Variants in WDR70 observed in about 807,000 individuals in gnomAD.
WDR70 encodes the protein WD repeat domain 70.
WDR70 carries 53 observed loss-of-function variants against 88.6 expected under a neutral mutation model. That is an observed-to-expected ratio of 0.60 (90% confidence interval 0.48 to 0.75). The LOEUF is 0.75. Among genes scored for constraint, WDR70 ranks in the 30% least tolerant of loss-of-function variants. The pLI, the probability that WDR70 is intolerant of heterozygous loss-of-function variation, is 0.00. For synonymous variants in WDR70, 280 were observed against 270.0 expected, an observed-to-expected ratio of 1.04 and a Z score of -0.36; for missense variants, 610 against 823.2, an observed-to-expected ratio of 0.74 and a Z score of 3.17.
intron 9 of WDR70, among the ~76,000 whole-genome samples, chr5:37,530,637 G>A (rs1240117789): frequency 6.6e-6 from 1 of 151,634 alleles, no homozygotes; most frequent in African/African-American, 2.4e-5. Context: ...TTTTTGTGGT[G>A]TCAGTAGTAA....
chr5:37,415,796 G>A (rs1481658464), intron 5 of WDR70, among the ~76,000 whole-genome samples: 72 of 103,070 alleles, frequency 7.0e-4, no homozygotes, highest in Admixed American at 2.6e-3. Flanking sequence ...TTCTCAGACG[G>A]GGCGGCCGGG....
At chr5:37,665,712 A>G (rs1247582509) in intron 10 of WDR70, among the ~76,000 whole-genome samples, 1 of 152,252 alleles carries the variant, frequency 6.6e-6, no homozygotes, top group Admixed American at 6.5e-5. Context: ...TTAGATGAGT[A>G]CATTTCAGAT....
At chr5:37,525,514 A>G (rs1741238498) in intron 9 of WDR70, among the ~76,000 whole-genome samples, 1 of 152,244 alleles carries the variant, frequency 6.6e-6, no homozygotes. Flanking sequence ...CTACATGCCC[A>G]CAAGAGAAAG....
chr5:37,611,283 T>C (rs1561922336), intron 10 of WDR70, among the ~76,000 whole-genome samples: 1 of 152,320 alleles, frequency 6.6e-6, no homozygotes, highest in Non-Finnish European at 1.5e-5. Context: ...TAGTGATTTT[T>C]TTTTTAATGG....
intron 14 of WDR70, chr5:37,721,665 G>A (rs2112696237): frequency 6.3e-6 from 1 of 159,942 alleles, no homozygotes; most frequent in African/African-American, 2.4e-5. Context: ...TCCGCAGAAA[G>A]GGACAGCACA....
At chr5:37,690,859 A>C (rs1445598180) in intron 10 of WDR70, among the ~76,000 whole-genome samples, 2 of 152,216 alleles carry the variant, frequency 1.3e-5, no homozygotes, top group African/African-American at 2.4e-5. Flanking sequence ...GACAGGACCA[A>C]ATTCACACAT....
chr5:37,499,175 G>T (rs1581340068), intron 8 of WDR70, among the ~76,000 whole-genome samples: 1 of 151,180 alleles, frequency 6.6e-6, no homozygotes, highest in South Asian at 2.1e-4. Flanking sequence ...GTACAGTGGT[G>T]CAGTCTCGGC....
chr5:37,734,240 T>TAAAA (rs1748236299), intron 17 of WDR70, among the ~76,000 whole-genome samples: 1 of 152,120 alleles, frequency 6.6e-6, no homozygotes, highest in Non-Finnish European at 1.5e-5. Context: ...ATTTGAACTT[T>TAAAA]AAAAGGAATG....
chr5:37,593,566 C>T (rs10038482), intron 9 of WDR70, among the ~76,000 whole-genome samples: 17,128 of 152,130 alleles, frequency 0.11, 3,019 homozygotes, highest in African/African-American at 0.38. Context: ...ACATTTGGGT[C>T]GGTTCCAAGT....
intron 10 of WDR70, among the ~76,000 whole-genome samples, chr5:37,610,189 C>A (rs1744147904): frequency 6.7e-6 from 1 of 149,294 alleles, no homozygotes. Context: ...TTGCTTGAAT[C>A]TGGGAGGCGG....
At chr5:37,576,859 A>T (rs1323752040) in intron 9 of WDR70, among the ~76,000 whole-genome samples, 2 of 152,000 alleles carry the variant, frequency 1.3e-5, no homozygotes, top group African/African-American at 4.8e-5. Flanking sequence ...TAATAAAAAG[A>T]TCATTTTTAT....
At chr5:37,613,321 A>G (rs1430044905) in intron 10 of WDR70, among the ~76,000 whole-genome samples, 2 of 152,186 alleles carry the variant, frequency 1.3e-5, no homozygotes, top group Non-Finnish European at 2.9e-5. Context: ...GGCTCTTTTT[A>G]AAGCATAAAC....
chr5:37,441,594 A>G (rs376834960), intron 6 of WDR70, among the ~76,000 whole-genome samples: 1 of 152,056 alleles, frequency 6.6e-6, no homozygotes, highest in African/African-American at 2.4e-5. Context: ...GAGGCGGGCA[A>G]ATCACCTGAG....
intron 3 of WDR70, among the ~76,000 whole-genome samples, chr5:37,391,304 C>T (rs1453704004): frequency 1.3e-5 from 2 of 151,930 alleles, no homozygotes; most frequent in Non-Finnish European, 2.9e-5. Flanking sequence ...ATAAAATGTA[C>T]CATCTTAATA....
intron 3 of WDR70, among the ~76,000 whole-genome samples, chr5:37,383,889 TTCA>T (rs1748513567): frequency 1.3e-5 from 2 of 152,126 alleles, no homozygotes; most frequent in Admixed American, 1.3e-4. Context: ...AGCAAAACCC[TTCA>T]TTATTATGTG....
intron 9 of WDR70, among the ~76,000 whole-genome samples, chr5:37,545,626 G>A (rs976149387): frequency 2.6e-5 from 4 of 151,326 alleles, no homozygotes; most frequent in African/African-American, 9.7e-5. Context: ...TCCGCCTCCC[G>A]GCTTCAAGCA....
At chr5:37,652,956 G>A (rs961909069) in intron 10 of WDR70, among the ~76,000 whole-genome samples, 4 of 152,072 alleles carry the variant, frequency 2.6e-5, no homozygotes, top group Non-Finnish European at 4.4e-5. Context: ...GATTGCTGTG[G>A]CCAGAACTTC....
At chr5:37,672,600 A>G (rs1302254449) in intron 10 of WDR70, among the ~76,000 whole-genome samples, 2 of 152,098 alleles carry the variant, frequency 1.3e-5, no homozygotes, top group African/African-American at 4.8e-5. Flanking sequence ...CCTTGAACTT[A>G]TTTGTGACAC....
chr5:37,743,430 A>T (rs1455380562), intron 17 of WDR70, among the ~76,000 whole-genome samples: 5 of 152,226 alleles, frequency 3.3e-5, no homozygotes, highest in Non-Finnish European at 7.3e-5. Context: ...GGAAGGGGTG[A>T]CCAGCACTGG....
Sources: gnomAD v4.1 joint callset for allele counts (sites outside exome capture counted in the v4.1 genomes callset) on GRCh38, gnomAD v4.1.1 for gene constraint, MANE v1.5 for transcripts, NCBI Gene and HGNC (gene_info 2026-07-23, HGNC 2026-07-21) for gene names.